PIGK: variants seen among roughly 807,000 people sequenced by gnomAD.
PIGK encodes the protein GPI-anchor transamidase.
A neutral mutation model predicts 50.6 loss-of-function variants in PIGK; 42 were observed. That is an observed-to-expected ratio of 0.83 (90% CI 0.65 to 1.07). PIGK has a LOEUF of 1.07. Ranked by LOEUF, PIGK falls within the 50% of genes least tolerant of loss-of-function variation. PIGK has a pLI of 0.00. For synonymous variants in PIGK, 151 were observed against 156.0 expected, an observed-to-expected ratio of 0.97 and a Z score of 0.24; for missense variants, 448 against 488.7, an observed-to-expected ratio of 0.92 and a Z score of 0.78.
intron 9 of PIGK, among the ~76,000 whole-genome samples, chr1:77,133,984 C>T (rs1196022494): frequency 6.6e-6 from 1 of 152,208 alleles, no homozygotes; most frequent in Non-Finnish European, 1.5e-5. Context: ...AGCCCAAATT[C>T]TCACCTATAG....
chr1:77,170,218 C>A (rs1451631369), intron 3 of PIGK, among the ~76,000 whole-genome samples: 1 of 152,092 alleles, frequency 6.6e-6, no homozygotes, highest in Non-Finnish European at 1.5e-5. Context: ...TCCATGCATC[C>A]CCATTGCATT....
At chr1:77,102,814 C>G (rs1653579352) in intron 10 of PIGK, among the ~76,000 whole-genome samples, 1 of 152,150 alleles carries the variant, frequency 6.6e-6, no homozygotes, top group African/African-American at 2.4e-5. Context: ...ATTTAAATTT[C>G]CAAGAGCTCT....
In PIGK at chr1:77,169,372, T is replaced by C. The variant is rs761751159; in HGVS notation, c.263A>G (p.Asp88Gly). The C allele has an allele frequency of 6.2e-7, 1 of 1,604,260 alleles. No homozygotes were observed. The highest frequency in any genetic ancestry group is 2.3e-5 in the East Asian group (1 of 44,400). The change falls in exon 4 of 11, where the codon GAT becomes GGT. Residue 88 changes from aspartate (D) to glycine (G), a missense_variant. Asp to Gly is a moderately conservative substitution (Grantham distance 94). Coordinates refer to ENST00000370812, the MANE Select transcript of PIGK (RefSeq NM_005482.3). The stretch of plus-strand genomic sequence containing the variant: ...ATTTCTAGGATTACAGGCCATATCA[T>C]CTGCAAGCATTAGGACAATGTGACT... The part of the protein sequence containing the change: ...PDSHIVLMLA[D>G]DMACNPRNPK...
intron 9 of PIGK, among the ~76,000 whole-genome samples, chr1:77,136,323 A>C (rs1035427450): frequency 5.9e-5 from 9 of 151,882 alleles, no homozygotes; most frequent in African/African-American, 1.9e-4. Flanking sequence ...AGGTCAGGAG[A>C]TCGAGACCAT....
chr1:77,211,239 T>A (rs1656413518), intron 1 of PIGK, among the ~76,000 whole-genome samples: 1 of 151,920 alleles, frequency 6.6e-6, no homozygotes, highest in African/African-American at 2.4e-5. Flanking sequence ...AAGTTTGGCA[T>A]ATAGTGGGTT....
intron 1 of PIGK, among the ~76,000 whole-genome samples, chr1:77,216,211 A>G (rs1656561209): frequency 1.3e-5 from 2 of 152,170 alleles, no homozygotes; most frequent in Admixed American, 6.5e-5. Flanking sequence ...TACCCCATAA[A>G]TATGCACAAT....
chr1:77,137,372 T>A (rs910526180), intron 9 of PIGK, among the ~76,000 whole-genome samples: 1 of 152,212 alleles, frequency 6.6e-6, no homozygotes, highest in East Asian at 1.9e-4. Flanking sequence ...GTGGTTGTTA[T>A]TTAGACATTA....
chr1:77,123,454 A>G (rs189620495), intron 9 of PIGK, among the ~76,000 whole-genome samples: 19 of 152,328 alleles, frequency 1.2e-4, no homozygotes, highest in African/African-American at 4.1e-4. Flanking sequence ...ATGATTTAAG[A>G]GCTTCAAGAA....
chr1:77,216,794 G>A (rs1261189270), intron 1 of PIGK, among the ~76,000 whole-genome samples: 2 of 152,108 alleles, frequency 1.3e-5, no homozygotes, highest in African/African-American at 2.4e-5. Flanking sequence ...ATTGCGGTAA[G>A]TCATTTAGCT....
At chr1:77,206,813 A>G in intron 2 of PIGK, 82 bp from the exon 3 acceptor site, 1 of 803,842 alleles carries the variant, frequency 1.2e-6, no homozygotes, top group Admixed American at 1.9e-5. Context: ...TAAGTAGGAT[A>G]CAGAGATCTC....
At chr1:77,169,852 T>C (rs1431533215) in intron 3 of PIGK, among the ~76,000 whole-genome samples, 1 of 152,212 alleles carries the variant, frequency 6.6e-6, no homozygotes, top group Non-Finnish European at 1.5e-5. Context: ...TAAACTATGA[T>C]GTCCCAAAGA....
intron 10 of PIGK, among the ~76,000 whole-genome samples, chr1:77,105,020 C>G (rs74741768): frequency 6.6e-6 from 1 of 152,150 alleles, no homozygotes; most frequent in Non-Finnish European, 1.5e-5. Flanking sequence ...TAGGTACCCA[C>G]GCTTGGTGGG....
At chr1:77,159,739 C>G (rs112035812) in intron 8 of PIGK, among the ~76,000 whole-genome samples, 1 of 152,222 alleles carries the variant, frequency 6.6e-6, no homozygotes, top group Non-Finnish European at 1.5e-5. Context: ...TGGCCAATTT[C>G]TCCCAAGTGG....
chr1:77,191,376 A>T (rs1655899935), intron 3 of PIGK, among the ~76,000 whole-genome samples: 1 of 152,214 alleles, frequency 6.6e-6, no homozygotes, highest in African/African-American at 2.4e-5. Context: ...TTTTTCCAAT[A>T]ATGATCTGTA....
Position 77,186,307 on chromosome 1 carries a change from G to A in PIGK, c.240-16912C>T, listed in dbSNP as rs773703030. 5.3e-5 allele frequency among the ~76,000 whole-genome samples: 8 copies of A among 152,212 alleles called. 1 individual carries two copies. The highest frequency in any genetic ancestry group is 1.4e-4 in the African/African-American group (6 of 41,472). The stretch of plus-strand genomic sequence containing the variant: ...GTGGACAGCTGCAGCACTACTGCCC[G>A]TCTAGGACATCCCTGAAGGACAGCG... On this transcript the variant is annotated intron_variant, in intron 3 of 10. Transcript: ENST00000370812.
rs1369916902 is a variant in PIGK at position 77,205,341 on chromosome 1, C to T, written c.239+1299G>A. Among the ~76,000 whole-genome samples, 3 of 150,692 alleles carry T rather than the reference C, an allele frequency of 2.0e-5. No individual in the cohort carries two copies. In the Admixed American group the frequency reaches 2.0e-4, roughly 10 times the overall value. ...CTATACACTTGATATAACAAATCAA[C>T]CTCCTTCTCAGACTTAATGTAATTT... On this transcript the variant is annotated intron_variant, in intron 3 of 10. Transcript: ENST00000370812.
At chr1:77,108,589 G>C (rs926764870) in intron 10 of PIGK, among the ~76,000 whole-genome samples, 1 of 152,052 alleles carries the variant, frequency 6.6e-6, no homozygotes, top group African/African-American at 2.4e-5. Context: ...TCTTCTCGAG[G>C]AGTATCTTTG....
At chr1:77,124,375 G>A (rs752324994) in intron 9 of PIGK, among the ~76,000 whole-genome samples, 23 of 152,128 alleles carry the variant, frequency 1.5e-4, no homozygotes, top group Admixed American at 1.0e-3. Flanking sequence ...TTGGGAGGCC[G>A]AGGCGGGTGC....
intron 9 of PIGK, chr1:77,129,026 A>C: frequency 5.3e-6 from 4 of 750,826 alleles, no homozygotes; most frequent in Non-Finnish European, 9.8e-6. Context: ...CATATTTACA[A>C]CTGAGACCAT....
Sources: gnomAD v4.1 joint callset for allele counts (sites outside exome capture counted in the v4.1 genomes callset) on GRCh38, gnomAD v4.1.1 for gene constraint, MANE v1.5 for transcripts, NCBI Gene and HGNC (gene_info 2026-07-23, HGNC 2026-07-21) for gene names.